CPNE4: variants seen among roughly 807,000 people sequenced by gnomAD.
The protein encoded by CPNE4 is copine-4.
Under a neutral mutation model 67.9 loss-of-function variants are expected in CPNE4, and 25 were observed. The observed-to-expected ratio is 0.37, with a 90% CI of 0.27 to 0.51. CPNE4 has a LOEUF of 0.51. CPNE4 is among the 20% of genes least tolerant of loss of function. CPNE4 has a pLI of 0.93. For missense variants in CPNE4, 464 were observed against 690.8 expected, an observed-to-expected ratio of 0.67 and a Z score of 3.68; for synonymous variants, 242 against 244.9, an observed-to-expected ratio of 0.99 and a Z score of 0.11.
At position 131,942,463 on chromosome 3, in the gene CPNE4, T is replaced by TGTGTGAGAGAGA. The variant is rs2071424814; in HGVS notation, c.-1-37020_-1-37019insTCTCTCTCACAC. Among the ~76,000 whole-genome samples the TGTGTGAGAGAGA allele has an allele frequency of 3.3e-4, 23 of 70,746 alleles. 1 individual carries two copies. Among genetic ancestry groups the TGTGTGAGAGAGA allele is most frequent in the African/African-American group, 1.1e-3 (23 of 20,056 alleles). The allele number at this position is 70,746 out of a possible 152,430, so 46.4% of individuals were successfully genotyped here. ...GTGTGTGTGTGTGTGTGTGTGTGTG[T>TGTGTGAGAGAGA]GAGAGAGAGAGAGAGAGAGAGAGAG... On this transcript the variant is annotated intron_variant, in intron 1 of 15. Transcript: ENST00000429747.
chr3:131,861,402 TTGTGTGTGTGTGTGTGTG>T lies in CPNE4; in HGVS notation c.180+43844_180+43861del, dbSNP rs5852659. ...ACTCTGAGTTTAGAATATCTCATCT[TTGTGTGTGTGTGTGTGTG>T]TGTGTGTGTGTGTGTGTGTGTGTGT... On this transcript the variant is annotated intron_variant, in intron 2 of 15. Transcript: ENST00000429747. Among the ~76,000 whole-genome samples, 255 of 144,482 alleles carry T rather than the reference TTGTGTGTGTGTGTGTGTG, an allele frequency of 1.8e-3. 2 individuals are homozygous for T. Among genetic ancestry groups the T allele is most frequent in the Admixed American group, 1.7e-3 (24 of 14,532 alleles). 94.8% of individuals were successfully genotyped at this position (144,482 alleles called of 152,430 possible). A position where few individuals can be genotyped will look rare whatever the true frequency, so the allele number is the denominator to read the frequency against.
At chr3:131,593,905 A>G (rs1938687871) in intron 7 of CPNE4, among the ~76,000 whole-genome samples, 2 of 151,938 alleles carry the variant, frequency 1.3e-5, no homozygotes, top group Admixed American at 1.3e-4. Flanking sequence ...TTTTTAGTAG[A>G]GATGGGGTTT....
chr3:131,604,624 T>C (rs1939394875), intron 7 of CPNE4, among the ~76,000 whole-genome samples: 1 of 152,110 alleles, frequency 6.6e-6, no homozygotes, highest in African/African-American at 2.4e-5. Flanking sequence ...CTTTCTCCCA[T>C]GTTGAATCCT....
Position 131,618,553 on chromosome 3 carries a change from C to T in CPNE4, c.682-30971G>A, listed in dbSNP as rs551257729. 3.9e-5 allele frequency among the ~76,000 whole-genome samples: 6 copies of T among 152,184 alleles called. No homozygotes were observed. In the South Asian group the frequency reaches 6.2e-4, roughly 16 times the overall value. ...TTTCTACCTGTATGTTCCACAGTAT[C>T]GGGGCTTTCTTGCAGCATTTCTAGG... On this transcript the variant is annotated intron_variant, in intron 7 of 15. Transcript: ENST00000429747.
intron 1 of CPNE4, among the ~76,000 whole-genome samples, chr3:131,979,485 C>G (rs1418922085): frequency 4.2e-5 from 6 of 141,556 alleles, no homozygotes; most frequent in Non-Finnish European, 5.9e-5. Context: ...TTTGTTTTGT[C>G]TGATAAAATA....
chr3:132,021,741 A>G (rs1190117292), intron 1 of CPNE4, among the ~76,000 whole-genome samples: 1 of 152,160 alleles, frequency 6.6e-6, no homozygotes, highest in Non-Finnish European at 1.5e-5. Flanking sequence ...TCAGATCTTA[A>G]TTTACCTCAA....
intron 1 of CPNE4, among the ~76,000 whole-genome samples, chr3:132,028,485 G>A (rs993311791): frequency 2.0e-5 from 3 of 152,118 alleles, no homozygotes; most frequent in African/African-American, 7.2e-5. Flanking sequence ...ACAGATAGAT[G>A]AATGAGACCC....
intron 2 of CPNE4, among the ~76,000 whole-genome samples, chr3:131,786,785 C>T (rs762390407): frequency 3.2e-4 from 48 of 152,240 alleles, no homozygotes; most frequent in Middle Eastern, 3.4e-3. Context: ...AAGTACATGG[C>T]GCAGTGCTTG....
intron 7 of CPNE4, among the ~76,000 whole-genome samples, chr3:131,654,779 G>A (rs1359353210): frequency 6.6e-6 from 1 of 152,202 alleles, no homozygotes; most frequent in Non-Finnish European, 1.5e-5. Context: ...CAACAAGGGT[G>A]ATTTGGCAGT....
At chr3:131,973,524 A>G (rs1217636759) in intron 1 of CPNE4, among the ~76,000 whole-genome samples, 1 of 152,252 alleles carries the variant, frequency 6.6e-6, no homozygotes, top group Non-Finnish European at 1.5e-5. Context: ...AATGATAGAT[A>G]CTATTATCAT....
chr3:131,709,651 A>G (rs918227956), intron 3 of CPNE4, among the ~76,000 whole-genome samples: 1 of 152,246 alleles, frequency 6.6e-6, no homozygotes, highest in Non-Finnish European at 1.5e-5. Flanking sequence ...TGCCTCCCTC[A>G]TTAGAAAATC....
upstream of CPNE4, among the ~76,000 whole-genome samples, chr3:132,035,639 C>G (rs989834633): frequency 5.9e-5 from 9 of 152,240 alleles, no homozygotes; most frequent in Admixed American, 2.0e-4. Context: ...TTTTAAAGCA[C>G]TTTAGAGAGA....
chr3:132,012,051 C>A (rs9810769), intron 1 of CPNE4, among the ~76,000 whole-genome samples: 44,265 of 151,938 alleles, frequency 0.29, 6,667 homozygotes, highest in African/African-American at 0.37. Context: ...GGCTTTGGGG[C>A]CCATATGGTC....
intron 7 of CPNE4, among the ~76,000 whole-genome samples, chr3:131,637,508 G>A (rs1243495372): frequency 6.6e-6 from 1 of 152,106 alleles, no homozygotes; most frequent in African/African-American, 2.4e-5. Flanking sequence ...AAAAAATTTT[G>A]TTAATGAACA....
chr3:131,792,662 TGTATATATACATATATACACAC>T lies in CPNE4; in HGVS notation c.181-69059_181-69038del, dbSNP rs1560322022. 3.7e-3 allele frequency among the ~76,000 whole-genome samples: 252 copies of T among 68,042 alleles called. 27 individuals carry two copies. The highest frequency in any genetic ancestry group is 6.3e-3 in the Non-Finnish European group (212 of 33,838). 44.6% of individuals were successfully genotyped at this position (68,042 alleles called of 152,430 possible). ...GTGTATATATGTATATATACACACG[TGTATATATACATATATACACAC>T]GTGTATATATACATATACACACACG... is the stretch of plus-strand genomic sequence containing the variant. On this transcript the variant is annotated intron_variant, in intron 2 of 15. Coordinates refer to ENST00000429747, the MANE Select transcript of CPNE4 (RefSeq NM_130808.3).
chr3:131,978,231 A>AT (rs1553820870), intron 1 of CPNE4, among the ~76,000 whole-genome samples: 5 of 14,862 alleles, frequency 3.4e-4, no homozygotes, highest in African/African-American at 2.4e-3. Flanking sequence ...AAATTTACAT[A>AT]TTTATATATA....
upstream of CPNE4, among the ~76,000 whole-genome samples, chr3:132,038,937 T>A (rs1050375633): frequency 5.3e-5 from 8 of 152,178 alleles, no homozygotes; most frequent in Non-Finnish European, 1.2e-4. Context: ...GGTAGTGATG[T>A]GATTAAGGTC....
intron 2 of CPNE4, among the ~76,000 whole-genome samples, chr3:131,843,193 C>T (rs540423019): frequency 2.0e-5 from 3 of 152,198 alleles, no homozygotes; most frequent in South Asian, 2.1e-4. Context: ...CTCTATACAC[C>T]GTGCCGGATA....
At chr3:131,537,733 G>GTGAT (rs1337850869) in intron 15 of CPNE4, 6 of 163,944 alleles carry the variant, frequency 3.7e-5, no homozygotes, top group Admixed American at 1.3e-4. Flanking sequence ...GAAATAGAAT[G>GTGAT]TGATTACTGG....
Sources: allele counts gnomAD v4.1 joint callset (sites outside exome capture counted in the v4.1 genomes callset), GRCh38; gene constraint gnomAD v4.1.1; transcripts MANE v1.5; gene names NCBI Gene and HGNC (gene_info 2026-07-23, HGNC 2026-07-21).